The following ZC3H13 variants were observed in gnomAD, a reference collection of about 807,000 sequenced individuals.
ZC3H13 encodes the protein zinc finger CCCH domain-containing protein 13.
ZC3H13 carries 64 observed loss-of-function variants against 204.1 expected under a neutral mutation model. That is an observed-to-expected ratio of 0.31 (90% CI 0.26 to 0.39). The LOEUF is 0.39. Among genes scored for constraint, ZC3H13 ranks in the 10% least tolerant of loss-of-function variants. The pLI, the probability that ZC3H13 is intolerant of heterozygous loss-of-function variation, is 1.00. For synonymous variants in ZC3H13, 667 were observed against 693.7 expected (o/e 0.96, Z 0.60); for missense variants, 1,833 against 2,082.7 (o/e 0.88, Z 2.33).
chr13:46,019,438 T>C (rs1193503018), intron 5 of ZC3H13, among the ~76,000 whole-genome samples: 1 of 152,122 alleles, frequency 6.6e-6, no homozygotes, highest in Admixed American at 6.6e-5. Context: ...ACTGAAAAAG[T>C]TGCTTAAATT....
chr13:46,017,965 AT>A (rs1438379601), intron 5 of ZC3H13, among the ~76,000 whole-genome samples: 43 of 152,198 alleles, frequency 2.8e-4, no homozygotes, highest in African/African-American at 8.9e-4. Flanking sequence ...AGAATTTCCT[AT>A]ATAAAAGGCT....
intron 1 of ZC3H13, among the ~76,000 whole-genome samples, chr13:46,050,239 A>C (rs1566379875): frequency 6.6e-6 from 1 of 152,168 alleles, no homozygotes; most frequent in Non-Finnish European, 1.5e-5. Flanking sequence ...AACTTAGAAT[A>C]ACACTGTACT....
At chr13:45,958,470 A>G (rs1951426191) in intron 18 of ZC3H13, among the ~76,000 whole-genome samples, 1 of 152,060 alleles carries the variant, frequency 6.6e-6, no homozygotes, top group Non-Finnish European at 1.5e-5. Context: ...TGGATTCTGG[A>G]ATATTTGCAT....
Position 46,003,182 on chromosome 13 carries a change from C to T in ZC3H13, c.901G>A (p.Gly301Arg). The T allele has an allele frequency of 2.5e-6, 4 of 1,612,678 alleles. No individual in the cohort carries two copies. Among genetic ancestry groups the T allele is most frequent in the South Asian group, 2.2e-5 (2 of 90,766 alleles). ...TCTCTTTGTCGTTCAAAATCTCGTCCTCTGTCCTTTCCATCTCTTGTTTTT... is the reference window on the plus strand; with the variant it reads ...TCTCTTTGTCGTTCAAAATCTCGTCTTCTGTCCTTTCCATCTCTTGTTTTT... ...EEKTRDGKDR[G>R]RDFERQREKR... Residue 301 changes from glycine (G) to arginine (R), a missense_variant, in exon 8 of 19, where the codon GGA (glycine) becomes AGA (arginine). Physicochemically the swap from Gly to Arg is moderately radical, Grantham distance 125 (BLOSUM62 -2). This residue lies in a region of ZC3H13 where 1,574 missense variants were observed against 1,757.2 expected (regional missense o/e 0.90). Transcript: ENST00000679008.
At chr13:46,002,153 T>C (rs985576917) in intron 8 of ZC3H13, among the ~76,000 whole-genome samples, 1 of 152,176 alleles carries the variant, frequency 6.6e-6, no homozygotes, top group African/African-American at 2.4e-5. Flanking sequence ...CATGAAAGGA[T>C]GTTCAACATG....
intron 8 of ZC3H13, among the ~76,000 whole-genome samples, chr13:46,002,710 T>C (rs982132987): frequency 1.3e-5 from 2 of 152,150 alleles, no homozygotes; most frequent in African/African-American, 4.8e-5. Context: ...ATAAGGTATC[T>C]GAAGCAGTCA....
Position 45,965,362 on chromosome 13 carries a change from T to C in ZC3H13, c.4392A>G (p.Pro1464=). 6.2e-7 allele frequency: 1 copy of C among 1,613,780 alleles called. No individual in the cohort carries two copies. The part of the protein sequence containing the change: ...LGSGAGEGYE[P]ISDDELDEIL... ...TTTCATCTAGTTCGTCATCACTGATTGGCTCGTATCCTTCTCCAGCACCAG... is the reference window on the plus strand; with the variant it reads ...TTTCATCTAGTTCGTCATCACTGATCGGCTCGTATCCTTCTCCAGCACCAG... Residue 1464 remains proline, a synonymous_variant, in exon 16 of 19, where the codon CCA becomes CCG. Transcript: ENST00000679008.
rs1432013407 is a variant in ZC3H13, at chr13:45,955,274, C to T, written c.*1853G>A. On this transcript the variant is annotated 3_prime_UTR_variant, in exon 19 of 19. Transcript: ENST00000679008. ...AGAAAAATTTTATAGGTATATGTTA[C>T]TAATACTGAGAATGGTTGAATTAAA... 1.3e-5 allele frequency: 2 copies of T among 152,060 alleles called. No individual in the cohort carries two copies. The highest frequency in any genetic ancestry group is 2.9e-5 in the Non-Finnish European group (2 of 67,988). 9.4% of individuals were successfully genotyped at this position (152,060 alleles called of 1,614,324 possible).
chr13:46,048,377 A>C (rs963620112), intron 1 of ZC3H13, among the ~76,000 whole-genome samples: 1 of 151,968 alleles, frequency 6.6e-6, no homozygotes, highest in African/African-American at 2.4e-5. Flanking sequence ...GGAGATCGAG[A>C]CCATGCTGGC....
In ZC3H13 at chr13:45,989,080, C is replaced by A; in HGVS notation, c.962G>T (p.Gly321Val). ...RDKPRSTSPA[G>V]QHHSPISSRH... ...AGAAGATATAGGAGAATGATGCTGT[C>A]CTGCTGGGGAAGTAGACCTACAAGG... Residue 321 changes from glycine (G) to valine (V), a missense_variant, in exon 9 of 19, where the codon GGA becomes GTA. Gly to Val is a moderately radical substitution (Grantham distance 109). Transcript: ENST00000679008. 1 of 1,613,436 alleles carries A rather than the reference C, an allele frequency of 6.2e-7. No homozygotes were observed. The highest frequency in any genetic ancestry group is 8.5e-7 in the Non-Finnish European group (1 of 1,179,452).
In ZC3H13 at chr13:45,989,105, G is replaced by A. The variant is rs191577649; in HGVS notation, c.945-8C>T. ...CCTGCTGGGGAAGTAGACCTACAAG[G>A]GAAAACAATAACAATAAAACATGTA... On this transcript the variant is annotated splice_polypyrimidine_tract_variant and splice_region_variant and intron_variant, in intron 8 of 18. Transcript: ENST00000679008. 7.2e-4 allele frequency: 1,158 copies of A among 1,608,682 alleles called. 12 individuals are homozygous for A. The highest frequency in any genetic ancestry group is 1.3e-4 in the Non-Finnish European group (157 of 1,176,174).
At chr13:45,976,291 G>A (rs911454589) in intron 11 of ZC3H13, 5 of 984,340 alleles carry the variant, frequency 5.1e-6, no homozygotes, top group Non-Finnish European at 4.8e-6. Flanking sequence ...AATTTCCCTC[G>A]TAAGTCACAC....
intron 7 of ZC3H13, among the ~76,000 whole-genome samples, chr13:46,008,182 C>T (rs1448194371): frequency 6.6e-6 from 1 of 151,742 alleles, no homozygotes; most frequent in African/African-American, 2.4e-5. Flanking sequence ...TTAAAATACT[C>T]CACTGAGTTT....
intron 7 of ZC3H13, among the ~76,000 whole-genome samples, chr13:46,008,600 T>A (rs1055721735): frequency 1.1e-4 from 16 of 152,102 alleles, no homozygotes; most frequent in African/African-American, 3.9e-4. Context: ...AAACTTTCTA[T>A]GAAAAGATTA....
intron 17 of ZC3H13, among the ~76,000 whole-genome samples, chr13:45,959,923 G>A (rs9534261): frequency 0.44 from 66,400 of 150,674 alleles, 15,072 homozygotes; most frequent in African/African-American, 0.55. Flanking sequence ...AGAGCCCAGG[G>A]AATTTTTTTT....
At chr13:46,035,954 T>C (rs2043183386) in intron 4 of ZC3H13, among the ~76,000 whole-genome samples, 2 of 152,132 alleles carry the variant, frequency 1.3e-5, no homozygotes, top group African/African-American at 4.8e-5. Flanking sequence ...CATTTTTTTT[T>C]CTCATCTAGA....
intron 1 of ZC3H13, among the ~76,000 whole-genome samples, chr13:46,046,429 C>T (rs968712067): frequency 8.2e-5 from 12 of 146,938 alleles, no homozygotes; most frequent in Non-Finnish European, 1.6e-4. Context: ...GAGGCCGAGG[C>T]GGGCGGATCA....
chr13:45,989,172 C>CAAA, intron 8 of ZC3H13, 75 bp from the exon 9 acceptor site: 1 of 1,378,588 alleles, frequency 7.3e-7, no homozygotes, highest in African/African-American at 1.5e-5. Context: ...TCTTTAAAAA[C>CAAA]AAAAAAGTGA....
At chr13:46,048,097 A>T (rs1001222631) in intron 1 of ZC3H13, among the ~76,000 whole-genome samples, 3 of 152,146 alleles carry the variant, frequency 2.0e-5, no homozygotes, top group Admixed American at 6.5e-5. Flanking sequence ...TATCGTACTT[A>T]TTATACTTAA....
Sources: gnomAD v4.1 joint callset for allele counts (sites outside exome capture counted in the v4.1 genomes callset) on GRCh38, gnomAD v4.1.1 for gene constraint, gnomAD v4.1.1 regional missense constraint, MANE v1.5 for transcripts, NCBI Gene and HGNC (gene_info 2026-07-23, HGNC 2026-07-21) for gene names.